Variants in NPLOC4 observed in about 807,000 individuals in gnomAD.
The protein encoded by NPLOC4 is NPL4 homolog, ubiquitin recognition factor.
A neutral mutation model predicts 80.6 loss-of-function variants in NPLOC4; 18 were observed. The ratio of observed to expected loss-of-function variants is 0.22; its 90% confidence interval spans 0.15 to 0.33. NPLOC4 has a LOEUF of 0.33. Ranked by LOEUF, NPLOC4 falls within the 10% of genes least tolerant of loss-of-function variation. NPLOC4 has a pLI of 1.00. For missense variants in NPLOC4, 540 were observed against 786.1 expected, an observed-to-expected ratio of 0.69 and a Z score of 3.74; for synonymous variants, 313 against 301.5, an observed-to-expected ratio of 1.04 and a Z score of -0.39.
At chr17:81,607,201 C>A (rs933316018) in intron 6 of NPLOC4, among the ~76,000 whole-genome samples, 1 of 152,178 alleles carries the variant, frequency 6.6e-6, no homozygotes, top group Non-Finnish European at 1.5e-5. Context: ...GAAACTTTGA[C>A]ATTAGCCCAG....
chr17:81,632,640 T>A (rs1211654694), intron 1 of NPLOC4, among the ~76,000 whole-genome samples: 2 of 152,132 alleles, frequency 1.3e-5, no homozygotes, highest in Non-Finnish European at 2.9e-5. Context: ...TCATAAATTC[T>A]ATAACTATTT....
chr17:81,594,401 C>T (rs1226439375), intron 11 of NPLOC4, among the ~76,000 whole-genome samples: 1 of 149,874 alleles, frequency 6.7e-6, no homozygotes, highest in Non-Finnish European at 1.5e-5. Context: ...AAAGTATATT[C>T]ATTTCAAAAA....
chr17:81,557,363 C>T lies in NPLOC4; in HGVS notation c.*1896G>A, dbSNP rs186460346. ...ATCAGACAAATCGCCAATGCTTTTC[C>T]TTTAGCTAAAAGACAAAAGAAAACA... is the stretch of plus-strand genomic sequence containing the variant. On this transcript the variant is annotated 3_prime_UTR_variant, in exon 17 of 17. Transcript: ENST00000331134. 6.6e-6 allele frequency: 1 copy of T among 152,498 alleles called. No homozygotes were observed. The highest frequency in any genetic ancestry group is 1.5e-5 in the Non-Finnish European group (1 of 68,056). 9.4% of individuals were successfully genotyped at this position (152,498 alleles called of 1,614,324 possible). A position where few individuals can be genotyped will look rare whatever the true frequency, so the allele number is the denominator to read the frequency against.
chr17:81,628,996 A>T (rs1219272459), intron 2 of NPLOC4, among the ~76,000 whole-genome samples: 1 of 150,408 alleles, frequency 6.6e-6, no homozygotes, highest in African/African-American at 2.5e-5. Context: ...CTCCTGCCTC[A>T]GCCTCACCAG....
At chr17:81,592,385 C>T (rs976689676) in intron 11 of NPLOC4, among the ~76,000 whole-genome samples, 7 of 152,180 alleles carry the variant, frequency 4.6e-5, no homozygotes, top group African/African-American at 7.2e-5. Context: ...ACTCCTCAGT[C>T]GGCCACCACC....
intron 15 of NPLOC4, among the ~76,000 whole-genome samples, chr17:81,565,895 C>A (rs545764086): frequency 6.6e-6 from 1 of 152,236 alleles, no homozygotes; most frequent in African/African-American, 2.4e-5. Flanking sequence ...TCATGCCTCT[C>A]GTCCTGGAGG....
chr17:81,607,047 A>ACTACTTT, intron 6 of NPLOC4, among the ~76,000 whole-genome samples: 1 of 152,208 alleles, frequency 6.6e-6, no homozygotes, highest in African/African-American at 2.4e-5. Flanking sequence ...GGAACACACA[A>ACTACTTT]CTACTTTCCT....
rs2033937818 is a variant in NPLOC4 at position 81,564,117 on chromosome 17, C to CACACACACAGACACACACACACAAAGA, written c.1669+1387_1669+1388insTCTTTGTGTGTGTGTGTCTGTGTGTGT. 1.3e-5 allele frequency: 4 copies of CACACACACAGACACACACACACAAAGA among 307,134 alleles called. No homozygotes were observed. The Admixed American group carries it at 1.8e-4, about 14-fold the overall frequency. The allele number at this position is 307,134 out of a possible 1,614,324, so 19.0% of individuals were successfully genotyped here. A position where few individuals can be genotyped will look rare whatever the true frequency, so the allele number is the denominator to read the frequency against. ...ACACACACACACACACACACACACACAAAGAGCAGGGCGGGCTGAAAAACT... is the reference window on the plus strand; with the variant it reads ...ACACACACACACACACACACACACACACACACACAGACACACACACACAAAGAAAAGAGCAGGGCGGGCTGAAAAACT... On this transcript the variant is annotated intron_variant, in intron 16 of 16. Coordinates refer to ENST00000331134, the MANE Select transcript of NPLOC4 (RefSeq NM_017921.4).
chr17:81,611,335 T>C (rs547051732), intron 4 of NPLOC4, among the ~76,000 whole-genome samples: 25 of 151,542 alleles, frequency 1.6e-4, no homozygotes, highest in African/African-American at 5.6e-4. Context: ...AATAAATAAA[T>C]AAAATAGTTT....
At chr17:81,613,538 T>TGA (rs1568155495) in intron 3 of NPLOC4, 44 bp from the exon 4 acceptor site, 1 of 1,560,922 alleles carries the variant, frequency 6.4e-7, no homozygotes. Flanking sequence ...CCTTACCACC[T>TGA]GAGCTTCATG....
chr17:81,614,006 G>C (rs1238975370), intron 3 of NPLOC4, among the ~76,000 whole-genome samples: 1 of 152,144 alleles, frequency 6.6e-6, no homozygotes, highest in Non-Finnish European at 1.5e-5. Context: ...GCCAGGCTCG[G>C]TGGCTCATGC....
In NPLOC4 at chr17:81,567,483, G is replaced by T; in HGVS notation, c.1500C>A (p.Phe500Leu). ...GGTGGAAATCTGAGATGGTATCCAA[G>T]AACACAGATGAGGTATTCTGAGACA... is the stretch of plus-strand genomic sequence containing the variant. ...TYLSQNTSSV[F>L]LDTISDFHLL... The change falls in exon 15 of 17, where the codon TTC (phenylalanine) becomes TTA (leucine). Residue 500 changes from phenylalanine (F) to leucine (L), a missense_variant. This residue lies in a region of NPLOC4 where 251 missense variants were observed against 377.5 expected (regional missense o/e 0.66). Transcript: ENST00000331134. The surrounding 1 kb of genome is among the most constrained non-coding windows in gnomAD (Gnocchi z 4.5). 6.2e-7 allele frequency: 1 copy of T among 1,613,720 alleles called. No homozygotes were observed. Among genetic ancestry groups the T allele is most frequent in the South Asian group, 1.1e-5 (1 of 91,002 alleles).
rs1487733586 is a variant in NPLOC4 at position 81,613,421 on chromosome 17, G to A, written c.283C>T (p.Pro95Ser). 4.3e-6 allele frequency: 7 copies of A among 1,613,846 alleles called. No homozygotes were observed. The African/African-American group carries it at 9.3e-5, about 22-fold the overall frequency. The part of the protein sequence containing the change: ...PSSEMETSVP[P>S]GFKVFGAPNV... The stretch of plus-strand genomic sequence containing the variant: ...GGAGCGCCAAAGACTTTGAAGCCCG[G>A]TGGAACTGACGTCTCCATTTCAGAT... The change falls in exon 4 of 17, where the codon CCG (proline) becomes TCG (serine). Residue 95 changes from proline to serine, a missense_variant. This residue lies in a region of NPLOC4 where 74 missense variants were observed against 75.7 expected (regional missense o/e 0.98). Transcript: ENST00000331134.
intron 10 of NPLOC4, 90 bp from the exon 11 acceptor site, chr17:81,596,332 G>A (rs1259563377): frequency 4.9e-6 from 7 of 1,426,640 alleles, no homozygotes; most frequent in Non-Finnish European, 4.8e-6. Context: ...ACTAAGCCAG[G>A]AGCAGTGACT....
At chr17:81,596,075 C>T (rs551820562) in intron 11 of NPLOC4, 41 bp downstream of exon 11, 19 of 1,573,680 alleles carry the variant, frequency 1.2e-5, no homozygotes, top group African/African-American at 6.8e-5. Context: ...AATATATTAA[C>T]GAGGTGGTAA....
At chr17:81,634,589 C>T (rs998669536) in intron 1 of NPLOC4, among the ~76,000 whole-genome samples, 2 of 141,836 alleles carry the variant, frequency 1.4e-5, no homozygotes, top group African/African-American at 2.6e-5. Context: ...ATGATTAACA[C>T]TTTTTTTTTT....
chr17:81,614,616 T>G (rs1336817449), intron 3 of NPLOC4, among the ~76,000 whole-genome samples: 1 of 150,712 alleles, frequency 6.6e-6, no homozygotes, highest in Non-Finnish European at 1.5e-5. Context: ...TCCAAAAAGG[T>G]TGCCACAAGT....
chr17:81,613,606 C>A (rs938382874), intron 3 of NPLOC4, 112 bp from the exon 4 acceptor site: 2 of 909,890 alleles, frequency 2.2e-6, no homozygotes, highest in Non-Finnish European at 3.3e-6. Context: ...TAGGCCTAAA[C>A]AATGAGGTTT....
At position 81,623,755 on chromosome 17, in the gene NPLOC4, G is replaced by C. The variant is rs1035978991; in HGVS notation, c.97-1477C>G. ...GGAGCTTGCAGTGAGCCGAGATCGC[G>C]CCACTGCACTCCAGCCAGGACGACA... On this transcript the variant is annotated intron_variant, in intron 2 of 16. Transcript: ENST00000331134. Among the ~76,000 whole-genome samples, 228 of 151,002 alleles carry C rather than the reference G, an allele frequency of 1.5e-3. 1 individual carries two copies. The highest frequency in any genetic ancestry group is 5.3e-3 in the African/African-American group (218 of 41,030).
Sources: gnomAD v4.1 joint callset for allele counts (sites outside exome capture counted in the v4.1 genomes callset) on GRCh38, gnomAD v4.1.1 for gene constraint, gnomAD v4.1.1 regional missense constraint, Gnocchi (gnomAD v3.1) non-coding constraint, MANE v1.5 for transcripts, NCBI Gene and HGNC (gene_info 2026-07-23, HGNC 2026-07-21) for gene names.